Variants in KIF6 observed in about 807,000 individuals in gnomAD.
The protein encoded by KIF6 is kinesin family member 6, also known as kinesin-like protein KIF6.
Under a neutral mutation model 112.7 loss-of-function variants are expected in KIF6, and 106 were observed. The ratio of observed to expected loss-of-function variants is 0.94; its 90% CI spans 0.80 to 1.11. KIF6 has a LOEUF of 1.11. Ranked by LOEUF, KIF6 falls within the 50% of genes least tolerant of loss-of-function variation. The pLI is 0.00. For synonymous variants in KIF6, 339 were observed against 339.9 expected (o/e 1.00, Z 0.03); for missense variants, 929 against 964.0 (o/e 0.96, Z 0.48).
chr6:39,397,306 G>A (rs942790818), intron 15 of KIF6, among the ~76,000 whole-genome samples: 2 of 152,138 alleles, frequency 1.3e-5, no homozygotes, highest in Non-Finnish European at 2.9e-5. Context: ...AAATGCTGGT[G>A]GTAATGGTTC....
At chr6:39,417,170 T>G (rs1423299544) in intron 15 of KIF6, among the ~76,000 whole-genome samples, 1 of 152,150 alleles carries the variant, frequency 6.6e-6, no homozygotes, top group Non-Finnish European at 1.5e-5. Flanking sequence ...AGTTCCACCT[T>G]CCTCCTCCTT....
At chr6:39,569,482 C>A (rs1780527593) in intron 10 of KIF6, among the ~76,000 whole-genome samples, 1 of 152,230 alleles carries the variant, frequency 6.6e-6, no homozygotes, top group East Asian at 1.9e-4. Flanking sequence ...CTCAAGAGAG[C>A]CACTGTACCT....
chr6:39,538,520 C>T (rs945129627), intron 13 of KIF6, among the ~76,000 whole-genome samples: 2 of 152,082 alleles, frequency 1.3e-5, no homozygotes, highest in Non-Finnish European at 2.9e-5. Flanking sequence ...CAATGAGATA[C>T]CATCTTACAA....
rs568853292 is a variant in KIF6 at position 39,351,611 on chromosome 6, T to C, written c.2181-5085A>G. ...GGCCCCTTGCTGACACACCTGCCCCTCTCTCTCTCTCTCACACACACACAC... is the reference window on the plus strand; with the variant it reads ...GGCCCCTTGCTGACACACCTGCCCCCCTCTCTCTCTCTCACACACACACAC... On this transcript the variant is annotated intron_variant, in intron 19 of 22. Transcript: ENST00000287152. 2.1e-4 allele frequency among the ~76,000 whole-genome samples: 31 copies of C among 150,854 alleles called. No homozygotes were observed. The East Asian group carries it at 2.9e-3, about 14-fold the overall frequency.
intron 5 of KIF6, chr6:39,620,331 A>G (rs987088375): frequency 6.6e-6 from 1 of 152,214 alleles, no homozygotes. Context: ...TCTTATTCAG[A>G]TTTTATAGTG....
At chr6:39,588,188 C>G (rs1388866004) in intron 7 of KIF6, among the ~76,000 whole-genome samples, 1 of 152,114 alleles carries the variant, frequency 6.6e-6, no homozygotes, top group East Asian at 1.9e-4. Context: ...TAATCTCATC[C>G]AATCACCTGG....
intron 13 of KIF6, among the ~76,000 whole-genome samples, chr6:39,519,191 G>A (rs1306179513): frequency 6.6e-6 from 1 of 152,118 alleles, no homozygotes; most frequent in Non-Finnish European, 1.5e-5. Context: ...TCAGCTTGAG[G>A]AAACTAAGTG....
chr6:39,544,210 C>T (rs1778944064), intron 12 of KIF6, among the ~76,000 whole-genome samples: 1 of 152,036 alleles, frequency 6.6e-6, no homozygotes, highest in Non-Finnish European at 1.5e-5. Flanking sequence ...AACTTACTGG[C>T]TCAGGGCTAA....
intron 10 of KIF6, among the ~76,000 whole-genome samples, chr6:39,577,287 C>G (rs1388038350): frequency 6.6e-6 from 1 of 152,132 alleles, no homozygotes; most frequent in Non-Finnish European, 1.5e-5. Context: ...CACTTTTATT[C>G]TCTCTCTAAT....
intron 7 of KIF6, among the ~76,000 whole-genome samples, chr6:39,587,765 C>A (rs1023974716): frequency 2.0e-5 from 3 of 152,178 alleles, no homozygotes; most frequent in Non-Finnish European, 2.9e-5. Flanking sequence ...GCCAGCCCTC[C>A]ATCCTTGGCC....
chr6:39,634,336 T>C (rs925895570), intron 5 of KIF6, among the ~76,000 whole-genome samples: 1 of 152,134 alleles, frequency 6.6e-6, no homozygotes, highest in Non-Finnish European at 1.5e-5. Flanking sequence ...GCTATTTAAA[T>C]TTCAGTCATG....
chr6:39,681,901 T>C (rs1407290095), intron 3 of KIF6, among the ~76,000 whole-genome samples: 6 of 152,156 alleles, frequency 3.9e-5, no homozygotes, highest in African/African-American at 1.2e-4. Context: ...GAATGATGAA[T>C]GTAGGAAGAA....
intron 10 of KIF6, among the ~76,000 whole-genome samples, chr6:39,555,896 G>T (rs1222867171): frequency 7.0e-6 from 1 of 143,740 alleles, no homozygotes; most frequent in Non-Finnish European, 1.5e-5. Context: ...AGAGATTGCG[G>T]TCAGCCAAGA....
chr6:39,710,585 A>G (rs1338591516), intron 3 of KIF6, among the ~76,000 whole-genome samples: 1 of 152,160 alleles, frequency 6.6e-6, no homozygotes, highest in Admixed American at 6.6e-5. Flanking sequence ...AAATAATAGC[A>G]AAAATTAAAA....
Position 39,541,968 on chromosome 6 carries a change from A to C in KIF6, c.1427-1747T>G, listed in dbSNP as rs192761046. 3.9e-5 allele frequency among the ~76,000 whole-genome samples: 6 copies of C among 152,310 alleles called. No homozygotes were observed. In the East Asian group the frequency reaches 1.2e-3, roughly 29 times the overall value. On this transcript the variant is annotated intron_variant, in intron 12 of 22. Transcript: ENST00000287152. ...GAATTATCCAGCCACAAATGTTGAT[A>C]GTGCCAAGGCTGAGGAACCTCGTGT...
At chr6:39,365,958 T>C (rs1407637467) in intron 16 of KIF6, among the ~76,000 whole-genome samples, 1 of 152,226 alleles carries the variant, frequency 6.6e-6, no homozygotes, top group African/African-American at 2.4e-5. Flanking sequence ...ATTTAAAGGC[T>C]GCGGTCACCC....
intron 14 of KIF6, among the ~76,000 whole-genome samples, chr6:39,429,800 T>C (rs925390230): frequency 2.6e-4 from 39 of 151,758 alleles, no homozygotes; most frequent in South Asian, 6.2e-4. Flanking sequence ...CCCAGCTACT[T>C]GGGAGGCTGA....
chr6:39,616,903 C>G (rs1783550626), intron 5 of KIF6, among the ~76,000 whole-genome samples: 1 of 152,190 alleles, frequency 6.6e-6, no homozygotes, highest in South Asian at 2.1e-4. Flanking sequence ...CAAGTTCCTT[C>G]CTTTCCTGGC....
chr6:39,640,866 C>T (rs1171299519), intron 3 of KIF6, among the ~76,000 whole-genome samples: 1 of 152,136 alleles, frequency 6.6e-6, no homozygotes, highest in Non-Finnish European at 1.5e-5. Flanking sequence ...CACGTCAATG[C>T]ATCTGTTGCT....
Sources: allele counts gnomAD v4.1 joint callset (sites outside exome capture counted in the v4.1 genomes callset), GRCh38; gene constraint gnomAD v4.1.1; transcripts MANE v1.5; gene names NCBI Gene and HGNC (gene_info 2026-07-23, HGNC 2026-07-21).